Variants in RBM25 observed in about 807,000 individuals in gnomAD.
RBM25 encodes the protein RNA-binding protein 25.
Under a neutral mutation model 120.7 loss-of-function variants are expected in RBM25, and 19 were observed. That is an observed-to-expected ratio of 0.16 (90% CI 0.11 to 0.23). The LOEUF is 0.23. Among genes scored for constraint, RBM25 ranks in the 10% least tolerant of loss-of-function variants. RBM25 has a pLI of 1.00. For missense variants in RBM25, 605 were observed against 1,041.5 expected, an observed-to-expected ratio of 0.58 and a Z score of 5.77; for synonymous variants, 390 against 326.7, an observed-to-expected ratio of 1.19 and a Z score of -2.09.
chr14:73,087,957 G>A, intron 5 of RBM25, 44 bp from the exon 6 acceptor site: 1 of 1,566,574 alleles, frequency 6.4e-7, no homozygotes. Context: ...TTTTTCTTTT[G>A]TAAGTGAATT....
chr14:73,088,116 G>A lies in RBM25; in HGVS notation c.498G>A (p.Lys166=), dbSNP rs1445239237. ...KLLVKVDAKT[K]AQLDEWKAKK... is the part of the protein sequence containing the mutation. ...TCGTTAAAGTTGATGCAAAGACAAA[G>A]GCACAGCTGGATGAATGGAAAGCAA... is the stretch of plus-strand genomic sequence containing the variant. Residue 166 remains lysine (K), a synonymous_variant, in exon 6 of 19, where the codon AAG becomes AAA. Coordinates refer to ENST00000261973, the MANE Select transcript of RBM25 (RefSeq NM_021239.3). 1.2e-6 allele frequency: 2 copies of A among 1,614,034 alleles called. No homozygotes were observed. Among genetic ancestry groups the A allele is most frequent in the Admixed American group, 3.3e-5 (2 of 59,988 alleles).
At chr14:73,089,945 G>C (rs1340717303) in intron 6 of RBM25, among the ~76,000 whole-genome samples, 2 of 152,050 alleles carry the variant, frequency 1.3e-5, no homozygotes, top group African/African-American at 4.8e-5. Flanking sequence ...ACTCCACCCG[G>C]TCAGCATTGC....
intron 2 of RBM25, among the ~76,000 whole-genome samples, chr14:73,072,826 A>G (rs1425147295): frequency 6.6e-6 from 1 of 152,180 alleles, no homozygotes; most frequent in South Asian, 2.1e-4. Flanking sequence ...ACTTAAGAAC[A>G]TTGCAGTTGG....
intron 4 of RBM25, among the ~76,000 whole-genome samples, chr14:73,079,431 A>G (rs149754953): frequency 1.3e-5 from 2 of 150,714 alleles, no homozygotes; most frequent in African/African-American, 4.8e-5. Flanking sequence ...TCACACACAA[A>G]AAAAGGAGTT....
chr14:73,077,270 C>A lies in RBM25; in HGVS notation c.157-99C>A, dbSNP rs1594904072. ...AAGCATGCAGAGCTTAAATAATGTGCTATATATATTTATTTAATCCTGATG... is the reference window on the plus strand; with the variant it reads ...AAGCATGCAGAGCTTAAATAATGTGATATATATATTTATTTAATCCTGATG... On this transcript the variant is annotated intron_variant, in intron 3 of 18. Transcript: ENST00000261973. The A allele has an allele frequency of 3.2e-5, 33 of 1,030,400 alleles. No individual in the cohort carries two copies. In the South Asian group the frequency reaches 5.4e-4, roughly 17 times the overall value. The allele number at this position is 1,030,400 out of a possible 1,614,324, so 63.8% of individuals were successfully genotyped here. A position where few individuals can be genotyped will look rare whatever the true frequency, so the allele number is the denominator to read the frequency against.
intron 1 of RBM25, chr14:73,067,959 A>G (rs1341967516): frequency 3.5e-5 from 8 of 226,224 alleles, no homozygotes; most frequent in Non-Finnish European, 5.3e-5. Flanking sequence ...ATCTCTTTGG[A>G]TATTTATTAG....
chr14:73,071,483 A>G (rs780006844), intron 1 of RBM25, 144 bp from the exon 2 acceptor site: 1 of 624,792 alleles, frequency 1.6e-6, no homozygotes, highest in Non-Finnish European at 2.8e-6. Flanking sequence ...AGAATTCTCA[A>G]TGAAAAGAGG....
At chr14:73,104,763 A>G (rs560469852) in intron 10 of RBM25, among the ~76,000 whole-genome samples, 2 of 152,306 alleles carry the variant, frequency 1.3e-5, no homozygotes, top group Admixed American at 6.5e-5. Context: ...GGAAGAGAGA[A>G]AAAGCTCCTT....
chr14:73,105,066 G>C (rs116620609), intron 10 of RBM25, among the ~76,000 whole-genome samples: 3,557 of 40,096 alleles, frequency 0.089, 107 homozygotes, highest in African/African-American at 0.19. Context: ...CACACACACA[G>C]AGTTATTTGA....
intron 14 of RBM25, among the ~76,000 whole-genome samples, 193 bp downstream of exon 14, chr14:73,109,685 C>T (rs1051335701): frequency 2.6e-5 from 4 of 151,526 alleles, no homozygotes; most frequent in African/African-American, 7.3e-5. Flanking sequence ...CCCAGCTACT[C>T]GGGAGGCCGA....
intron 4 of RBM25, among the ~76,000 whole-genome samples, chr14:73,081,474 T>G (rs115683529): frequency 0.023 from 3,448 of 151,684 alleles, 134 homozygotes; most frequent in African/African-American, 0.076. Flanking sequence ...TGTGTTCTGG[T>G]TCCTCTAAGT....
rs1018003039 is a variant in RBM25 at position 73,071,656 on chromosome 14, T to G, written c.15T>G (p.Pro5=). Residue 5 remains proline (P), a synonymous_variant, in exon 2 of 19, where the codon CCT becomes CCG. Coordinates refer to ENST00000261973, the MANE Select transcript of RBM25 (RefSeq NM_021239.3). Reference sequence around the variant, plus strand: ...CTGCAGTAAGAATGTCTTTTCCACCTCATTTGAATCGCCCTCCCATGGGAA... The same window carrying G: ...CTGCAGTAAGAATGTCTTTTCCACCGCATTTGAATCGCCCTCCCATGGGAA... The part of the protein sequence containing the change: MSFP[P]HLNRPPMGIP... 3.1e-6 allele frequency: 5 copies of G among 1,613,438 alleles called. No individual in the cohort carries two copies. The Admixed American group carries it at 6.7e-5, about 22-fold the overall frequency.
In RBM25 at chr14:73,112,135, C is replaced by T. The variant is rs200467050; in HGVS notation, c.2293-17C>T. On this transcript the variant is annotated splice_polypyrimidine_tract_variant and intron_variant, in intron 16 of 18. Coordinates refer to ENST00000261973, the MANE Select transcript of RBM25 (RefSeq NM_021239.3). The stretch of plus-strand genomic sequence containing the variant: ...AGTTACAATTCTTTAATTCAGTAAC[C>T]GTGGTTTGTTTTGCAGATACTGATG... 97 of 1,573,750 alleles carry T rather than the reference C, an allele frequency of 6.2e-5. No homozygotes were observed. The East Asian group carries it at 9.7e-4, about 16-fold the overall frequency.
At chr14:73,106,159 A>G (rs758052069) in intron 11 of RBM25, 37 bp from the exon 12 acceptor site, 18 of 1,577,648 alleles carry the variant, frequency 1.1e-5, no homozygotes, top group South Asian at 7.2e-5. Flanking sequence ...AATGCTATGT[A>G]TAAATTTTTA....
intron 5 of RBM25, among the ~76,000 whole-genome samples, chr14:73,086,038 A>G (rs536611528): frequency 6.6e-6 from 1 of 151,862 alleles, no homozygotes; most frequent in South Asian, 2.1e-4. Context: ...TGGTATGACA[A>G]TTTGTTCTAA....
chr14:73,114,001 A>G (rs1419757965), intron 17 of RBM25, among the ~76,000 whole-genome samples: 2 of 152,194 alleles, frequency 1.3e-5, no homozygotes, highest in Non-Finnish European at 1.5e-5. Flanking sequence ...GATATTATGA[A>G]CAGTAAATTT....
intron 1 of RBM25, among the ~76,000 whole-genome samples, chr14:73,065,802 G>A (rs982675124): frequency 6.6e-6 from 1 of 151,964 alleles, no homozygotes; most frequent in Admixed American, 6.6e-5. Flanking sequence ...TGATCTGCCC[G>A]CCTTGGCCTC....
At chr14:73,101,767 C>A (rs1240471576) in intron 9 of RBM25, 1 of 152,060 alleles carries the variant, frequency 6.6e-6, no homozygotes, top group Non-Finnish European at 1.5e-5. Context: ...AAACAAATTT[C>A]TTTATAAGTG....
At position 73,103,346 on chromosome 14, in the gene RBM25, G is replaced by T; in HGVS notation, c.1022G>T (p.Arg341Leu). ...CGTGAACGAGAAAAGGAGAAAGAACGGGAGCGGGAACGAGAACGGGATAGG... is the reference window on the plus strand; with the variant it reads ...CGTGAACGAGAAAAGGAGAAAGAACTGGAGCGGGAACGAGAACGGGATAGG... ...REREREKEKE[R>L]ERERERDRDR... Residue 341 changes from arginine (R) to leucine (L), a missense_variant, in exon 10 of 19, where the codon CGG becomes CTG. Arg to Leu is a moderately radical substitution (Grantham distance 102). Coordinates refer to ENST00000261973, the MANE Select transcript of RBM25 (RefSeq NM_021239.3). 1 of 1,599,284 alleles carries T rather than the reference G, an allele frequency of 6.3e-7. No homozygotes were observed. The highest frequency in any genetic ancestry group is 2.2e-5 in the East Asian group (1 of 44,514).
Sources: allele counts gnomAD v4.1 joint callset (sites outside exome capture counted in the v4.1 genomes callset), GRCh38; gene constraint gnomAD v4.1.1; transcripts MANE v1.5; gene names NCBI Gene and HGNC (gene_info 2026-07-23, HGNC 2026-07-21).